The following TMCO5A variants were observed in gnomAD, a reference collection of about 807,000 sequenced individuals.
TMCO5A encodes transmembrane and coiled-coil domain-containing protein 5A.
In TMCO5A, 34 loss-of-function variants were observed where a neutral mutation model predicts 42.3. That is an observed-to-expected ratio of 0.80 (90% CI 0.61 to 1.07). The LOEUF is 1.07. TMCO5A is among the 50% of genes least tolerant of loss of function. TMCO5A has a pLI of 0.00. For missense variants in TMCO5A, 357 were observed against 327.9 expected, an observed-to-expected ratio of 1.09 and a Z score of -0.69; for synonymous variants, 131 against 115.6, an observed-to-expected ratio of 1.13 and a Z score of -0.86.
chr15:37,938,178 G>A lies in TMCO5A; in HGVS notation c.336G>A (p.Lys112=), dbSNP rs1889593162. Reference sequence around the variant, plus strand: ...TATAGCTTACAAGGAAATCACAAAAGATAACCAATTGTGAACAAAGCAGTC... The same window carrying A: ...TATAGCTTACAAGGAAATCACAAAAAATAACCAATTGTGAACAAAGCAGTC... The part of the protein sequence containing the change: ...LQQKLTRKSQ[K]ITNCEQSSPD... Residue 112 remains lysine, a synonymous_variant, in exon 6 of 12, where the codon AAG becomes AAA. Transcript: ENST00000319669. 1.3e-6 allele frequency: 2 copies of A among 1,580,758 alleles called. No individual in the cohort carries two copies. The highest frequency in any genetic ancestry group is 1.4e-5 in the African/African-American group (1 of 73,438).
chr15:38,013,691 A>G, the TMCO5A span, among the ~76,000 whole-genome samples: 1 of 152,298 alleles, frequency 6.6e-6, no homozygotes, highest in East Asian at 1.9e-4. Context: ...TTACTTCAAC[A>G]TGTGATAATT....
chr15:37,968,985 TA>T (rs1243705698), downstream of TMCO5A, among the ~76,000 whole-genome samples: 1 of 152,188 alleles, frequency 6.6e-6, no homozygotes, highest in African/African-American at 2.4e-5. Flanking sequence ...GTTAAATCCT[TA>T]GTACTGTGTA....
intron 10 of TMCO5A, among the ~76,000 whole-genome samples, chr15:37,945,701 G>T (rs1258458774): frequency 1.3e-5 from 2 of 151,990 alleles, no homozygotes; most frequent in African/African-American, 4.8e-5. Flanking sequence ...CATCTTCTTT[G>T]CCCACTTTTT....
chr15:37,980,132 A>G, the TMCO5A span, among the ~76,000 whole-genome samples: 56 of 152,230 alleles, frequency 3.7e-4, no homozygotes, highest in African/African-American at 1.3e-3. Flanking sequence ...GAGGCCAGAG[A>G]GTTCAGGCGG....
At chr15:37,957,280 C>T (rs1453855402) in intron 11 of TMCO5A, among the ~76,000 whole-genome samples, 1 of 151,826 alleles carries the variant, frequency 6.6e-6, no homozygotes, top group Non-Finnish European at 1.5e-5. Context: ...GTATTCAATT[C>T]CAAAAAGAGG....
chr15:37,986,641 A>T, the TMCO5A span, among the ~76,000 whole-genome samples: 1 of 152,060 alleles, frequency 6.6e-6, no homozygotes, highest in African/African-American at 2.4e-5. Context: ...CCTGAAAAAC[A>T]CCAATTTACT....
the TMCO5A span, among the ~76,000 whole-genome samples, chr15:37,992,259 C>A: frequency 3.9e-5 from 6 of 152,132 alleles, no homozygotes; most frequent in East Asian, 1.2e-3. Context: ...AGTTCAATAT[C>A]ACTGGTCATT....
At chr15:37,997,952 T>C in the TMCO5A span, among the ~76,000 whole-genome samples, 1 of 152,204 alleles carries the variant, frequency 6.6e-6, no homozygotes, top group African/African-American at 2.4e-5. Flanking sequence ...GATGATCAAT[T>C]ATGTTGAGTG....
At chr15:38,004,575 G>A in the TMCO5A span, among the ~76,000 whole-genome samples, 1 of 152,194 alleles carries the variant, frequency 6.6e-6, no homozygotes, top group South Asian at 2.1e-4. Context: ...GCCAGGATAA[G>A]TGATTCTCCT....
the TMCO5A span, among the ~76,000 whole-genome samples, chr15:38,024,391 T>C: frequency 1.3e-5 from 2 of 151,846 alleles, no homozygotes; most frequent in Non-Finnish European, 2.9e-5. Context: ...AAAACAAGAG[T>C]TGAGCCTGTA....
chr15:37,937,465 G>T, intron 5 of TMCO5A, 69 bp downstream of exon 5: 1 of 1,553,316 alleles, frequency 6.4e-7, no homozygotes, highest in Non-Finnish European at 8.9e-7. Flanking sequence ...GCAAGGTTTG[G>T]GGGAAGTGAT....
rs1890016998 is a variant in TMCO5A, at chr15:37,947,788, T to C, written c.668+92T>C. ...GGGAAAAGTCTAGACAAGGAGAGCCTTGTATATGCGTGTGCACACATACAC... is the reference window on the plus strand; with the variant it reads ...GGGAAAAGTCTAGACAAGGAGAGCCCTGTATATGCGTGTGCACACATACAC... On this transcript the variant is annotated intron_variant, in intron 11 of 11. Coordinates refer to ENST00000319669, the MANE Select transcript of TMCO5A (RefSeq NM_152453.4). 3.7e-6 allele frequency: 3 copies of C among 804,244 alleles called. No individual in the cohort carries two copies. In the East Asian group the frequency reaches 7.4e-5, roughly 20 times the overall value. 49.8% of individuals were successfully genotyped at this position (804,244 alleles called of 1,614,324 possible).
At chr15:37,963,236 T>C (rs1033195656) in intron 11 of TMCO5A, among the ~76,000 whole-genome samples, 1 of 152,182 alleles carries the variant, frequency 6.6e-6, no homozygotes, top group Non-Finnish European at 1.5e-5. Flanking sequence ...TCTCAGATGT[T>C]TTGACAGGTT....
the TMCO5A span, among the ~76,000 whole-genome samples, chr15:38,031,577 T>G: frequency 5.9e-5 from 9 of 152,148 alleles, no homozygotes; most frequent in Non-Finnish European, 1.3e-4. Context: ...TCTACAGCAG[T>G]GAAGAACTGA....
chr15:38,001,628 GTA>G, the TMCO5A span, among the ~76,000 whole-genome samples: 1 of 151,354 alleles, frequency 6.6e-6, no homozygotes, highest in African/African-American at 2.4e-5. Context: ...TTCTCTGGTG[GTA>G]TGTTTCAATT....
At chr15:37,983,962 A>T in the TMCO5A span, among the ~76,000 whole-genome samples, 1 of 151,822 alleles carries the variant, frequency 6.6e-6, no homozygotes. Context: ...CGAACTCCTG[A>T]CCTCAGGTGA....
intron 2 of TMCO5A, 157 bp from the exon 3 acceptor site, chr15:37,936,157 C>A (rs1889502250): frequency 2.4e-6 from 2 of 827,214 alleles, no homozygotes; most frequent in South Asian, 2.3e-5. Flanking sequence ...AGTTGTAGAG[C>A]ATGATCAAGA....
At chr15:38,014,685 G>A in the TMCO5A span, among the ~76,000 whole-genome samples, 1 of 151,758 alleles carries the variant, frequency 6.6e-6, no homozygotes, top group Admixed American at 6.6e-5. Context: ...ATTGTTTAAT[G>A]TGTTTCCCTT....
the TMCO5A span, among the ~76,000 whole-genome samples, chr15:37,987,026 T>C: frequency 1.8e-4 from 27 of 152,154 alleles, no homozygotes; most frequent in African/African-American, 6.3e-4. Context: ...TTTTGACCAA[T>C]AGTGCACAAA....
Sources: allele counts gnomAD v4.1 joint callset (sites outside exome capture counted in the v4.1 genomes callset), GRCh38; gene constraint gnomAD v4.1.1; transcripts MANE v1.5; gene names NCBI Gene and HGNC (gene_info 2026-07-23, HGNC 2026-07-21).